Variants in CADPS2 observed in about 807,000 individuals in gnomAD.
CADPS2 encodes the protein calcium-dependent secretion activator 2.
Under a neutral mutation model 172.5 loss-of-function variants are expected in CADPS2, and 93 were observed. That is an observed-to-expected ratio of 0.54 (90% CI 0.46 to 0.64). CADPS2 has a LOEUF of 0.64. Among genes scored for constraint, CADPS2 ranks in the 30% least tolerant of loss-of-function variants. The pLI is 0.00. For missense variants in CADPS2, 1,420 were observed against 1,565.9 expected (o/e 0.91, Z 1.57); for synonymous variants, 546 against 555.2 (o/e 0.98, Z 0.23).
chr7:122,800,316 T>C (rs1266530934), intron 1 of CADPS2, among the ~76,000 whole-genome samples: 2 of 152,112 alleles, frequency 1.3e-5, no homozygotes, highest in African/African-American at 4.8e-5. Context: ...AAAAAGCACA[T>C]AGAGGTTCAA....
intron 1 of CADPS2, among the ~76,000 whole-genome samples, chr7:122,877,200 T>C (rs535062814): frequency 6.6e-6 from 1 of 152,208 alleles, no homozygotes; most frequent in Non-Finnish European, 1.5e-5. Context: ...AAAAAGGAAT[T>C]TGATAACATT....
At chr7:122,817,648 G>A (rs538028565) in intron 1 of CADPS2, among the ~76,000 whole-genome samples, 4 of 151,820 alleles carry the variant, frequency 2.6e-5, no homozygotes, top group Non-Finnish European at 5.9e-5. Context: ...CTGGGAAAGG[G>A]GCAAGTACCC....
intron 2 of CADPS2, among the ~76,000 whole-genome samples, chr7:122,725,471 C>A (rs138565325): frequency 9.8e-4 from 148 of 151,716 alleles, no homozygotes; most frequent in African/African-American, 3.4e-3. Flanking sequence ...CTGCATGGAC[C>A]ATCTGGGCTT....
intron 2 of CADPS2, among the ~76,000 whole-genome samples, chr7:122,665,210 T>C (rs2081063857): frequency 6.6e-6 from 1 of 152,178 alleles, no homozygotes; most frequent in African/African-American, 2.4e-5. Flanking sequence ...GCAGCACACC[T>C]GCTTGATACA....
intron 1 of CADPS2, among the ~76,000 whole-genome samples, chr7:122,750,161 A>T (rs554523768): frequency 3.9e-5 from 6 of 152,242 alleles, no homozygotes; most frequent in African/African-American, 9.6e-5. Flanking sequence ...TGTATGCTAC[A>T]CTGCTGAGTC....
chr7:122,779,039 T>A (rs893795828), intron 1 of CADPS2, among the ~76,000 whole-genome samples: 1 of 152,126 alleles, frequency 6.6e-6, no homozygotes, highest in East Asian at 1.9e-4. Flanking sequence ...CTAAGGGCAG[T>A]CCCTCTGCAC....
intron 27 of CADPS2, among the ~76,000 whole-genome samples, chr7:122,350,547 A>C (rs1159816914): frequency 2.0e-5 from 3 of 152,232 alleles, no homozygotes; most frequent in African/African-American, 7.2e-5. Flanking sequence ...GTAAAAAACT[A>C]AATACAGTTT....
At chr7:122,599,574 G>A (rs2072430810) in intron 6 of CADPS2, among the ~76,000 whole-genome samples, 1 of 151,926 alleles carries the variant, frequency 6.6e-6, no homozygotes, top group Non-Finnish European at 1.5e-5. Flanking sequence ...TATTTTTAAT[G>A]TGTTGAGTAA....
At chr7:122,766,777 G>A (rs2093563897) in intron 1 of CADPS2, among the ~76,000 whole-genome samples, 1 of 152,148 alleles carries the variant, frequency 6.6e-6, no homozygotes, top group African/African-American at 2.4e-5. Context: ...TGACATCATA[G>A]CTGACAAGAT....
intron 1 of CADPS2, among the ~76,000 whole-genome samples, chr7:122,870,744 ATTAT>A (rs1819549961): frequency 6.6e-6 from 1 of 152,040 alleles, no homozygotes; most frequent in Admixed American, 6.6e-5. Flanking sequence ...GACATACACA[ATTAT>A]TTGTCACCCA....
intron 2 of CADPS2, among the ~76,000 whole-genome samples, chr7:122,710,542 G>T (rs2088531853): frequency 6.6e-6 from 1 of 152,048 alleles, no homozygotes; most frequent in African/African-American, 2.4e-5. Context: ...GCCTTGATGA[G>T]TATTGGATGA....
At chr7:122,621,349 T>C in intron 5 of CADPS2, 132 bp downstream of exon 5, 3 of 638,640 alleles carry the variant, frequency 4.7e-6, no homozygotes, top group East Asian at 2.7e-5. Flanking sequence ...GTCCAACAAA[T>C]GGAGAATAAT....
chr7:122,566,849 T>A (rs1469740751), intron 7 of CADPS2, among the ~76,000 whole-genome samples: 1 of 152,178 alleles, frequency 6.6e-6, no homozygotes, highest in Non-Finnish European at 1.5e-5. Flanking sequence ...CATTTCAGAT[T>A]TATTCATTTG....
chr7:122,580,466 A>AAAG (rs2068660801), intron 7 of CADPS2, among the ~76,000 whole-genome samples: 1 of 151,456 alleles, frequency 6.6e-6, no homozygotes, highest in African/African-American at 2.4e-5. Context: ...AAAAAAAAAA[A>AAAG]ACCCATTAAA....
At chr7:122,667,163 T>C (rs1043220140) in intron 2 of CADPS2, among the ~76,000 whole-genome samples, 1 of 152,234 alleles carries the variant, frequency 6.6e-6, no homozygotes, top group Non-Finnish European at 1.5e-5. Flanking sequence ...AGCTGCAAGA[T>C]TGTCCCTATA....
intron 9 of CADPS2, among the ~76,000 whole-genome samples, chr7:122,513,024 G>GTC (rs1325330479): frequency 2.0e-5 from 3 of 152,050 alleles, no homozygotes; most frequent in Non-Finnish European, 2.9e-5. Context: ...GAGTCCAAAA[G>GTC]CATAAAACAA....
intron 25 of CADPS2, among the ~76,000 whole-genome samples, chr7:122,361,408 A>G (rs1237130497): frequency 6.6e-6 from 1 of 151,590 alleles, no homozygotes; most frequent in Non-Finnish European, 1.5e-5. Context: ...TAATTTTTGT[A>G]TTTTTAGTAG....
intron 1 of CADPS2, among the ~76,000 whole-genome samples, chr7:122,876,498 A>T (rs929482158): frequency 4.6e-5 from 7 of 152,008 alleles, no homozygotes; most frequent in Non-Finnish European, 8.8e-5. Context: ...AGTAGCTGGG[A>T]ACACAGGCAT....
chr7:122,820,284 A>G, intron 1 of CADPS2, among the ~76,000 whole-genome samples: 1 of 152,172 alleles, frequency 6.6e-6, no homozygotes, highest in Non-Finnish European at 1.5e-5. Context: ...CTGCACTGCC[A>G]CAAAGCTTCA....
Sources: gnomAD v4.1 joint callset for allele counts (sites outside exome capture counted in the v4.1 genomes callset) on GRCh38, gnomAD v4.1.1 for gene constraint, MANE v1.5 for transcripts, NCBI Gene and HGNC (gene_info 2026-07-23, HGNC 2026-07-21) for gene names.